The following VSIR variants were observed in gnomAD, a reference collection of about 807,000 sequenced individuals.
VSIR encodes the protein V-type immunoglobulin domain-containing suppressor of T-cell activation.
Under a neutral mutation model 31.0 loss-of-function variants are expected in VSIR, and 10 were observed. The observed-to-expected ratio is 0.32, with a 90% CI of 0.20 to 0.55. The LOEUF is 0.55. Ranked by LOEUF, VSIR falls within the 20% of genes least tolerant of loss-of-function variation. The probability of loss-of-function intolerance (pLI) is 0.93; values close to 1 mark genes in which losing one functional copy is unlikely to be tolerated. For synonymous variants in VSIR, 179 were observed against 180.1 expected, an observed-to-expected ratio of 0.99 and a Z score of 0.05; for missense variants, 356 against 416.2, an observed-to-expected ratio of 0.86 and a Z score of 1.26.
chr10:71,756,428 TC>T (rs1234841813), intron 3 of VSIR, among the ~76,000 whole-genome samples: 2 of 152,226 alleles, frequency 1.3e-5, no homozygotes, highest in East Asian at 3.8e-4. Context: ...ACATGTTGTT[TC>T]CATTTTCAGC....
chr10:71,765,093 C>G (rs374259115), intron 1 of VSIR, among the ~76,000 whole-genome samples: 175 of 152,310 alleles, frequency 1.1e-3, no homozygotes, highest in African/African-American at 4.0e-3. Flanking sequence ...GGCTCTCCCA[C>G]GTACTCCCAG....
At chr10:71,754,933 A>G in intron 4 of VSIR, 1 of 383,194 alleles carries the variant, frequency 2.6e-6, no homozygotes, top group Non-Finnish European at 5.4e-6. Flanking sequence ...AGTTGTCTGT[A>G]AGACCCCTTC....
chr10:71,755,473 G>T lies in VSIR; in HGVS notation c.569-7C>A. 1 of 1,606,822 alleles carries T rather than the reference G, an allele frequency of 6.2e-7. No homozygotes were observed. The highest frequency in any genetic ancestry group is 1.1e-5 in the South Asian group (1 of 89,640). The stretch of plus-strand genomic sequence containing the variant: ...AGGGCTGCAGCCGTGATGTCTGAAA[G>T]GGCAGAGAGGTAGCCAAGGTGAAGC... On this transcript the variant is annotated splice_polypyrimidine_tract_variant and splice_region_variant and intron_variant, in intron 3 of 6. Coordinates refer to ENST00000394957, the MANE Select transcript of VSIR (RefSeq NM_022153.2).
At chr10:71,759,244 G>A (rs1176462157) in intron 3 of VSIR, among the ~76,000 whole-genome samples, 1 of 151,930 alleles carries the variant, frequency 6.6e-6, no homozygotes, top group Non-Finnish European at 1.5e-5. Context: ...CACCCTGTTG[G>A]CCAGGCTGGT....
chr10:71,755,179 C>T, intron 4 of VSIR, 180 bp downstream of exon 4: 1 of 703,878 alleles, frequency 1.4e-6, no homozygotes, highest in Non-Finnish European at 2.5e-6. Flanking sequence ...CCGGAAATGG[C>T]ATGCCTCCTT....
intron 3 of VSIR, among the ~76,000 whole-genome samples, chr10:71,759,921 AC>A: frequency 1.6e-5 from 1 of 61,336 alleles, no homozygotes; most frequent in Non-Finnish European, 3.7e-5. Flanking sequence ...ACACATATAT[AC>A]ACACACACAT....
rs1431197273 is a variant in VSIR at position 71,747,846 on chromosome 10, C to T, written c.*3407G>A. On this transcript the variant is annotated 3_prime_UTR_variant, in exon 7 of 7. Transcript: ENST00000394957. ...AAGCTATATTGATCATTCAGAATCC[C>T]TCTCAACACATTCCAGGATAGTTAG... The T allele has an allele frequency of 6.6e-6, 1 of 152,260 alleles. No homozygotes were observed. The highest frequency in any genetic ancestry group is 2.1e-4 in the South Asian group (1 of 4,836). The allele number at this position is 152,260 out of a possible 1,614,324, so 9.4% of individuals were successfully genotyped here.
At chr10:71,760,836 A>T in intron 3 of VSIR, 32 bp downstream of exon 3, 1 of 1,599,708 alleles carries the variant, frequency 6.3e-7, no homozygotes, top group Non-Finnish European at 8.6e-7. Context: ...GAAAACAGAG[A>T]ACCCAAAAGG....
In VSIR at chr10:71,748,909, G is replaced by A. The variant is rs1197136502; in HGVS notation, c.*2344C>T. On this transcript the variant is annotated 3_prime_UTR_variant, in exon 7 of 7. Transcript: ENST00000394957. ...GGATGAAGATGGAACTGGGAGCTCA[G>A]AGTAAATTTCGCTGAAAACAGGAAA... The A allele has an allele frequency of 2.0e-5, 3 of 152,870 alleles. No individual in the cohort carries two copies. The allele number at this position is 152,870 out of a possible 1,614,324, so 9.5% of individuals were successfully genotyped here.
chr10:71,759,904 TAC>T (rs368682291), intron 3 of VSIR, among the ~76,000 whole-genome samples: 4 of 54,766 alleles, frequency 7.3e-5, no homozygotes, highest in African/African-American at 2.1e-4. Flanking sequence ...CACACATATA[TAC>T]ACACACACAT....
chr10:71,751,419 C>A lies in VSIR; in HGVS notation c.899-129G>T. ...CTCTGTCCCTCACCCTCAACCCCAC[C>A]CCGTGAGGCCGTGGAACTCTTCAGG... On this transcript the variant is annotated intron_variant, in intron 6 of 6. Transcript: ENST00000394957. This position sits in a 1 kb window ranked among gnomAD's most constrained non-coding sequence, Gnocchi z 4.9. 1 of 442,100 alleles carries A rather than the reference C, an allele frequency of 2.3e-6. No homozygotes were observed. 27.4% of individuals were successfully genotyped at this position (442,100 alleles called of 1,614,324 possible).
intron 3 of VSIR, among the ~76,000 whole-genome samples, chr10:71,756,832 C>T (rs544206273): frequency 6.6e-6 from 1 of 152,234 alleles, no homozygotes; most frequent in Non-Finnish European, 1.5e-5. Context: ...GTTGCCTTTC[C>T]GCTATTTGTT....
chr10:71,760,851 A>T lies in VSIR; in HGVS notation c.568+17T>A. ...GAAAACAGAGAACCCAAAAGGGGCA[A>T]GAGGTTGGTCCCTTACTTTCACTAT... is the stretch of plus-strand genomic sequence containing the variant. On this transcript the variant is annotated intron_variant, in intron 3 of 6. Transcript: ENST00000394957. 6.2e-7 allele frequency: 1 copy of T among 1,609,920 alleles called. No individual in the cohort carries two copies. Among genetic ancestry groups the T allele is most frequent in the East Asian group, 2.2e-5 (1 of 44,864 alleles).
intron 3 of VSIR, among the ~76,000 whole-genome samples, chr10:71,757,835 G>T (rs192767397): frequency 6.6e-6 from 1 of 152,192 alleles, no homozygotes; most frequent in Admixed American, 6.5e-5. Flanking sequence ...ATTCTGCTGC[G>T]CTGGGGGGTG....
chr10:71,765,344 C>T (rs1226032175), intron 1 of VSIR, among the ~76,000 whole-genome samples: 2 of 152,264 alleles, frequency 1.3e-5, no homozygotes, highest in Non-Finnish European at 2.9e-5. Context: ...TCAGCAGACA[C>T]GGGGCTGCAG....
intron 1 of VSIR, among the ~76,000 whole-genome samples, chr10:71,766,384 G>A (rs1042903399): frequency 3.3e-5 from 5 of 152,298 alleles, no homozygotes; most frequent in Non-Finnish European, 7.4e-5. Context: ...CCTGCCACCA[G>A]GTAAGGAGGC....
At chr10:71,755,559 A>T in intron 3 of VSIR, 93 bp from the exon 4 acceptor site, 1 of 1,198,250 alleles carries the variant, frequency 8.3e-7, no homozygotes, top group Non-Finnish European at 1.2e-6. Context: ...GCCAGGAAGC[A>T]GGAGACCCGC....
chr10:71,753,261 G>A (rs939842831), intron 4 of VSIR, among the ~76,000 whole-genome samples: 2 of 152,256 alleles, frequency 1.3e-5, no homozygotes, highest in African/African-American at 4.8e-5. Context: ...AGGAGTGTAA[G>A]AACGCTATCT....
At chr10:71,763,550 A>C (rs1444250579) in intron 1 of VSIR, among the ~76,000 whole-genome samples, 1 of 152,194 alleles carries the variant, frequency 6.6e-6, no homozygotes, top group East Asian at 1.9e-4. Flanking sequence ...TTGCCCAGCC[A>C]GGAGGGAGGC....
Sources: gnomAD v4.1 joint callset for allele counts (sites outside exome capture counted in the v4.1 genomes callset) on GRCh38, gnomAD v4.1.1 for gene constraint, Gnocchi (gnomAD v3.1) non-coding constraint, MANE v1.5 for transcripts, NCBI Gene and HGNC (gene_info 2026-07-23, HGNC 2026-07-21) for gene names.